UNC5D: variants seen among roughly 807,000 people sequenced by gnomAD.
The protein encoded by UNC5D is netrin receptor UNC5D.
UNC5D carries 39 observed loss-of-function variants against 105.4 expected under a neutral mutation model. The ratio of observed to expected loss-of-function variants is 0.37; its 90% CI spans 0.29 to 0.48. UNC5D has a LOEUF of 0.48. Ranked by LOEUF, UNC5D falls within the 20% of genes least tolerant of loss-of-function variation. The probability of loss-of-function intolerance (pLI) is 0.98; values close to 1 mark genes in which losing one functional copy is unlikely to be tolerated. For synonymous variants in UNC5D, 452 were observed against 450.4 expected, an observed-to-expected ratio of 1.00 and a Z score of -0.04; for missense variants, 991 against 1,202.4, an observed-to-expected ratio of 0.82 and a Z score of 2.60.
At chr8:35,769,122 T>A (rs1186703184) in intron 15 of UNC5D, among the ~76,000 whole-genome samples, 1 of 152,228 alleles carries the variant, frequency 6.6e-6, no homozygotes, top group Non-Finnish European at 1.5e-5. Flanking sequence ...GCTTTCGTAT[T>A]TGTCATAAAG....
chr8:35,736,728 T>C (rs1338286684), intron 11 of UNC5D, among the ~76,000 whole-genome samples: 2 of 152,176 alleles, frequency 1.3e-5, no homozygotes, highest in African/African-American at 4.8e-5. Flanking sequence ...AAGGGGTTTC[T>C]CTCCAAGGGA....
At chr8:35,495,561 G>A (rs1451659692) in intron 1 of UNC5D, among the ~76,000 whole-genome samples, 1 of 151,846 alleles carries the variant, frequency 6.6e-6, no homozygotes, top group Non-Finnish European at 1.5e-5. Flanking sequence ...CAGGTTGTGG[G>A]TTGTACAAGC....
intron 8 of UNC5D, among the ~76,000 whole-genome samples, chr8:35,716,007 A>T (rs1442374361): frequency 6.6e-6 from 1 of 152,176 alleles, no homozygotes; most frequent in Non-Finnish European, 1.5e-5. Flanking sequence ...CTGAGTTGCA[A>T]GGAAAGCCTG....
At chr8:35,491,508 GA>G (rs1811214955) in intron 1 of UNC5D, among the ~76,000 whole-genome samples, 1 of 152,052 alleles carries the variant, frequency 6.6e-6, no homozygotes, top group Non-Finnish European at 1.5e-5. Flanking sequence ...TTTTCAAACT[GA>G]AATTGTTATA....
At chr8:35,247,355 T>C (rs1585403514) in intron 1 of UNC5D, among the ~76,000 whole-genome samples, 1 of 149,948 alleles carries the variant, frequency 6.7e-6, no homozygotes, top group African/African-American at 2.5e-5. Flanking sequence ...GAAATAATAT[T>C]GTAAAAAAGG....
At chr8:35,341,532 A>C (rs1368272913) in intron 1 of UNC5D, among the ~76,000 whole-genome samples, 1 of 151,742 alleles carries the variant, frequency 6.6e-6, no homozygotes, top group Non-Finnish European at 1.5e-5. Flanking sequence ...ACTCGCAGTG[A>C]TAGAATCTTC....
At chr8:35,447,561 G>A (rs868463993) in intron 1 of UNC5D, among the ~76,000 whole-genome samples, 87 of 152,164 alleles carry the variant, frequency 5.7e-4, no homozygotes, top group African/African-American at 2.0e-3. Context: ...ATAAAATGGA[G>A]AGAATATTAC....
At chr8:35,517,022 A>G (rs1007065891) in intron 1 of UNC5D, among the ~76,000 whole-genome samples, 2 of 152,180 alleles carry the variant, frequency 1.3e-5, no homozygotes, top group African/African-American at 4.8e-5. Flanking sequence ...GCATTCATTC[A>G]TTCATTTCTG....
chr8:35,477,760 G>T (rs1390864711), intron 1 of UNC5D, among the ~76,000 whole-genome samples: 1 of 152,016 alleles, frequency 6.6e-6, no homozygotes, highest in East Asian at 1.9e-4. Context: ...TTAACACTCA[G>T]TGGTAATATT....
chr8:35,591,291 G>A lies in UNC5D; in HGVS notation c.467-4263G>A, dbSNP rs184785212. On this transcript the variant is annotated intron_variant, in intron 3 of 16. Coordinates refer to ENST00000404895, the MANE Select transcript of UNC5D (RefSeq NM_080872.4). ...AAAAAATAAAAAAGAATTTGATTAA[G>A]TATACTCTGATACATAAAAAATATA... is the stretch of plus-strand genomic sequence containing the variant. Among the ~76,000 whole-genome samples the A allele has an allele frequency of 3.6e-4, 55 of 151,980 alleles. 2 individuals are homozygous for A. The Middle Eastern group carries it at 0.01, about 28-fold the overall frequency.
chr8:35,739,072 G>T (rs548397216), intron 11 of UNC5D, among the ~76,000 whole-genome samples: 2 of 152,162 alleles, frequency 1.3e-5, no homozygotes, highest in Non-Finnish European at 2.9e-5. Flanking sequence ...GTTAATGCAA[G>T]GGGGAGTAAA....
chr8:35,538,398 TATATATATATATA>T (rs1815007644), intron 1 of UNC5D, among the ~76,000 whole-genome samples: 7 of 19,158 alleles, frequency 3.7e-4, no homozygotes, highest in African/African-American at 1.0e-3. Context: ...AAAATAATTA[TATATATATATATA>T]TATATATATA....
chr8:35,326,575 C>A (rs1012299289), intron 1 of UNC5D, among the ~76,000 whole-genome samples: 2 of 151,960 alleles, frequency 1.3e-5, no homozygotes, highest in Non-Finnish European at 2.9e-5. Flanking sequence ...GGCAGCATAG[C>A]AAGACAAGGT....
intron 1 of UNC5D, among the ~76,000 whole-genome samples, chr8:35,439,845 A>G (rs1585847426): frequency 6.6e-6 from 1 of 152,172 alleles, no homozygotes; most frequent in Admixed American, 6.6e-5. Context: ...TTCCTGTGCT[A>G]TGTGTCTATA....
At chr8:35,745,803 C>T (rs1051741277) in intron 11 of UNC5D, among the ~76,000 whole-genome samples, 10 of 152,158 alleles carry the variant, frequency 6.6e-5, no homozygotes, top group African/African-American at 2.4e-4. Context: ...CGAGGTGGTT[C>T]ATATTTTTAT....
intron 8 of UNC5D, among the ~76,000 whole-genome samples, chr8:35,706,172 G>T (rs571490078): frequency 6.6e-6 from 1 of 152,060 alleles, no homozygotes; most frequent in Non-Finnish European, 1.5e-5. Context: ...AAAATAAATC[G>T]CTCCTCTTGA....
intron 1 of UNC5D, among the ~76,000 whole-genome samples, chr8:35,280,513 T>C (rs564253171): frequency 2.8e-4 from 43 of 152,336 alleles, no homozygotes; most frequent in Middle Eastern, 3.4e-3. Context: ...ATTGTTGTGC[T>C]TGTGCATTTG....
intron 1 of UNC5D, among the ~76,000 whole-genome samples, chr8:35,243,124 T>G (rs1273345279): frequency 6.6e-6 from 1 of 152,138 alleles, no homozygotes; most frequent in African/African-American, 2.4e-5. Context: ...TCTGATAAAC[T>G]CCCAGATGAC....
In UNC5D at chr8:35,482,793, C is replaced by CTTTTTTTTTTT. The variant is rs5890816; in HGVS notation, c.104-66483_104-66473dup. Among the ~76,000 whole-genome samples, 3 of 78,146 alleles carry CTTTTTTTTTTT rather than the reference C, an allele frequency of 3.8e-5. 1 individual carries two copies. The highest frequency in any genetic ancestry group is 5.5e-5 in the African/African-American group (1 of 18,232). 51.3% of individuals were successfully genotyped at this position (78,146 alleles called of 152,430 possible). On this transcript the variant is annotated intron_variant, in intron 1 of 16. Coordinates refer to ENST00000404895, the MANE Select transcript of UNC5D (RefSeq NM_080872.4). ...TATATCAGTGTGTCATTAAAGAGAT[C>CTTTTTTTTTTT]TTTTTTTTTTTTTTTTTTTTTTTTT... is the stretch of plus-strand genomic sequence containing the variant.
Sources: allele counts gnomAD v4.1 joint callset (sites outside exome capture counted in the v4.1 genomes callset), GRCh38; gene constraint gnomAD v4.1.1; transcripts MANE v1.5; gene names NCBI Gene and HGNC (gene_info 2026-07-23, HGNC 2026-07-21).